Variants in PPFIA1 observed in about 807,000 individuals in gnomAD.
The protein encoded by PPFIA1 is PPFI scaffold protein A1, also known as liprin-alpha-1.
Under a neutral mutation model 149.9 loss-of-function variants are expected in PPFIA1, and 25 were observed. The observed-to-expected ratio is 0.17, with a 90% CI of 0.12 to 0.23. The LOEUF (loss-of-function observed/expected upper bound fraction) is 0.23, where lower values mean the gene tolerates loss of function less well. Among genes scored for constraint, PPFIA1 ranks in the 10% least tolerant of loss-of-function variants. PPFIA1 has a pLI of 1.00. For synonymous variants in PPFIA1, 549 were observed against 552.8 expected (o/e 0.99, Z 0.10); for missense variants, 1,362 against 1,506.5 (o/e 0.90, Z 1.59).
chr11:70,378,386 A>T (rs1349037332), intron 26 of PPFIA1, 191 bp downstream of exon 26: 1 of 1,290,580 alleles, frequency 7.7e-7, no homozygotes, highest in Non-Finnish European at 9.8e-7. Flanking sequence ...ATAATAATAG[A>T]ATTTTTAAAA....
At chr11:70,329,077 T>C (rs2054494421) in intron 7 of PPFIA1, among the ~76,000 whole-genome samples, 1 of 152,180 alleles carries the variant, frequency 6.6e-6, no homozygotes, top group African/African-American at 2.4e-5. Flanking sequence ...TTGAGTCTTG[T>C]AATTGTATGA....
At chr11:70,306,187 C>T (rs571266480) in intron 2 of PPFIA1, among the ~76,000 whole-genome samples, 44 of 151,834 alleles carry the variant, frequency 2.9e-4, no homozygotes, top group South Asian at 6.2e-4. Flanking sequence ...CAATCTTAAT[C>T]GTCAATGGAG....
intron 16 of PPFIA1, chr11:70,350,014 A>G (rs1369895678): frequency 4.4e-6 from 2 of 449,874 alleles, no homozygotes; most frequent in Admixed American, 4.9e-5. Flanking sequence ...ACCCCATGCT[A>G]TAGCGATTCT....
chr11:70,296,369 C>A (rs974202050), intron 2 of PPFIA1, among the ~76,000 whole-genome samples: 3 of 152,062 alleles, frequency 2.0e-5, no homozygotes, highest in Non-Finnish European at 4.4e-5. Context: ...GAGATCACGC[C>A]ACTGCACTCC....
chr11:70,382,707 A>C (rs1445001327), intron 27 of PPFIA1, among the ~76,000 whole-genome samples: 1 of 152,176 alleles, frequency 6.6e-6, no homozygotes, highest in African/African-American at 2.4e-5. Flanking sequence ...TGCTGTTCTA[A>C]GCAATTTTAA....
At chr11:70,310,385 CTTTTT>C (rs754099737) in intron 2 of PPFIA1, among the ~76,000 whole-genome samples, 1 of 132,172 alleles carries the variant, frequency 7.6e-6, no homozygotes, top group Admixed American at 7.6e-5. Context: ...CATCCATGTA[CTTTTT>C]TTTTTTTTTT....
At chr11:70,352,323 G>A (rs989052241) in intron 16 of PPFIA1, among the ~76,000 whole-genome samples, 5 of 152,244 alleles carry the variant, frequency 3.3e-5, no homozygotes, top group African/African-American at 1.2e-4. Flanking sequence ...TGTCTGTGGT[G>A]AGATAAGGAG....
chr11:70,295,513 C>T (rs1303142181), intron 2 of PPFIA1, among the ~76,000 whole-genome samples: 1 of 123,396 alleles, frequency 8.1e-6, no homozygotes, highest in Non-Finnish European at 1.7e-5. Context: ...GGGGGGCTGA[C>T]CCCCCCCACC....
rs745544222 is a variant in PPFIA1 at position 70,355,664 on chromosome 11, G to A, written c.2341G>A (p.Val781Met). Reference sequence around the variant, plus strand: ...CTCCACAGGCTCCCAGGATGGTCCCGTGAGCAACCCCAGCAGTAGCAACAG... The same window carrying A: ...CTCCACAGGCTCCCAGGATGGTCCCATGAGCAACCCCAGCAGTAGCAACAG... ...RNSTGSQDGPVSNPSSSNSSQ... is the reference protein window; with the variant it reads ...RNSTGSQDGPMSNPSSSNSSQ... Residue 781 changes from valine (V) to methionine (M), a missense_variant, in exon 18 of 28, where the codon GTG (valine) becomes ATG (methionine). Val to Met is a conservative substitution (Grantham distance 21). This residue lies in a region of PPFIA1 where 733 missense variants were observed against 744.1 expected (regional missense o/e 0.99). Coordinates refer to ENST00000253925, the MANE Select transcript of PPFIA1 (RefSeq NM_003626.5). 12 of 1,611,568 alleles carry A rather than the reference G, an allele frequency of 7.4e-6. No individual in the cohort carries two copies. The highest frequency in any genetic ancestry group is 5.5e-5 in the South Asian group (5 of 90,834).
intron 14 of PPFIA1, 120 bp from the exon 15 acceptor site, chr11:70,343,549 G>A: frequency 1.2e-6 from 1 of 839,952 alleles, no homozygotes; most frequent in South Asian, 1.7e-5. Flanking sequence ...TATAAGCATG[G>A]CCCATCTTTC....
At chr11:70,332,789 G>A (rs2054745558) in intron 9 of PPFIA1, among the ~76,000 whole-genome samples, 2 of 152,232 alleles carry the variant, frequency 1.3e-5, no homozygotes, top group African/African-American at 4.8e-5. Context: ...GCGAGCAGCA[G>A]GAGCTGAGGC....
chr11:70,343,228 T>C (rs2055465941), intron 14 of PPFIA1, among the ~76,000 whole-genome samples: 1 of 152,376 alleles, frequency 6.6e-6, no homozygotes, highest in Admixed American at 6.5e-5. Flanking sequence ...TTTACAGGTA[T>C]GTGCCACCAC....
chr11:70,382,447 G>A (rs1200624593), intron 27 of PPFIA1, among the ~76,000 whole-genome samples: 1 of 152,060 alleles, frequency 6.6e-6, no homozygotes, highest in Non-Finnish European at 1.5e-5. Context: ...ATGTCATGGG[G>A]GTGGAGTGGG....
intron 2 of PPFIA1, among the ~76,000 whole-genome samples, chr11:70,280,519 A>G (rs2050691892): frequency 6.6e-6 from 1 of 152,134 alleles, no homozygotes; most frequent in African/African-American, 2.4e-5. Flanking sequence ...CAGTGAGCCA[A>G]GATCACGCCA....
intron 27 of PPFIA1, 23 bp downstream of exon 27, chr11:70,382,181 C>T (rs1488187364): frequency 1.3e-6 from 2 of 1,590,980 alleles, no homozygotes; most frequent in Non-Finnish European, 1.7e-6. Flanking sequence ...CACCACAACC[C>T]CTAGAGATGG....
At chr11:70,271,363 C>T (rs1215070456) in intron 1 of PPFIA1, 3 of 152,446 alleles carry the variant, frequency 2.0e-5, no homozygotes, top group Non-Finnish European at 2.9e-5. Flanking sequence ...CCACCGCGCC[C>T]CCAGTACTGC....
chr11:70,339,282 A>C lies in PPFIA1; in HGVS notation c.1683A>C (p.Ala561=). The change falls in exon 14 of 28, where the codon GCA becomes GCC. Residue 561 remains alanine, a synonymous_variant. Coordinates refer to ENST00000253925, the MANE Select transcript of PPFIA1 (RefSeq NM_003626.5). ...VLRRPQKGRL[A]ALRDEPSKVQ... ...GGCGCCCACAGAAAGGCCGGCTGGCAGCCCTGCGAGATGAGCCTTCCAAGG... is the reference window on the plus strand; with the variant it reads ...GGCGCCCACAGAAAGGCCGGCTGGCCGCCCTGCGAGATGAGCCTTCCAAGG... 6.2e-7 allele frequency: 1 copy of C among 1,614,014 alleles called. No homozygotes were observed. Among genetic ancestry groups the C allele is most frequent in the Non-Finnish European group, 8.5e-7 (1 of 1,179,878 alleles).
At chr11:70,297,604 G>A (rs977670144) in intron 2 of PPFIA1, among the ~76,000 whole-genome samples, 4 of 152,276 alleles carry the variant, frequency 2.6e-5, no homozygotes, top group African/African-American at 7.2e-5. Flanking sequence ...AAATAAGCCT[G>A]CTAAGTCAAA....
Position 70,355,676 on chromosome 11 carries a change from A to C in PPFIA1, c.2353A>C (p.Ser785Arg). The C allele has an allele frequency of 3.1e-6, 5 of 1,613,750 alleles. No homozygotes were observed. The highest frequency in any genetic ancestry group is 4.2e-6 in the Non-Finnish European group (5 of 1,179,880). The change falls in exon 18 of 28, where the codon AGC (serine) becomes CGC (arginine). Residue 785 changes from serine to arginine, a missense_variant. Physicochemically the swap from Ser to Arg is moderately radical, Grantham distance 110. This residue lies in a region of PPFIA1 where 733 missense variants were observed against 744.1 expected (regional missense o/e 0.99). Coordinates refer to ENST00000253925, the MANE Select transcript of PPFIA1 (RefSeq NM_003626.5). ...GSQDGPVSNP[S>R]SSNSSQDSLH... ...CCAGGATGGTCCCGTGAGCAACCCCAGCAGTAGCAACAGTAGCCAGGACTC... is the reference window on the plus strand; with the variant it reads ...CCAGGATGGTCCCGTGAGCAACCCCCGCAGTAGCAACAGTAGCCAGGACTC...
Sources: gnomAD v4.1 joint callset for allele counts (sites outside exome capture counted in the v4.1 genomes callset) on GRCh38, gnomAD v4.1.1 for gene constraint, gnomAD v4.1.1 regional missense constraint, MANE v1.5 for transcripts, NCBI Gene and HGNC (gene_info 2026-07-23, HGNC 2026-07-21) for gene names.